Variants in STAC observed in about 807,000 individuals in gnomAD.
The protein encoded by STAC is SH3 and cysteine-rich domain-containing protein.
Under a neutral mutation model 48.8 loss-of-function variants are expected in STAC, and 43 were observed. That is an observed-to-expected ratio of 0.88 (90% confidence interval 0.69 to 1.14). STAC has a LOEUF of 1.14. STAC is among the 50% of genes most tolerant of loss of function. STAC has a pLI of 0.00. For synonymous variants in STAC, 193 were observed against 179.5 expected (o/e 1.07, Z -0.60); for missense variants, 497 against 504.0 (o/e 0.99, Z 0.13).
At chr3:36,402,011 G>C (rs1700007487) in intron 1 of STAC, among the ~76,000 whole-genome samples, 1 of 152,146 alleles carries the variant, frequency 6.6e-6, no homozygotes, top group South Asian at 2.1e-4. Context: ...GCTGAGAAAA[G>C]TAAAGCCGCT....
intron 1 of STAC, among the ~76,000 whole-genome samples, chr3:36,432,239 C>G (rs866133812): frequency 6.6e-6 from 1 of 152,148 alleles, no homozygotes; most frequent in South Asian, 2.1e-4. Context: ...ATTTTATGGA[C>G]GGGGAATTTG....
At chr3:36,537,162 A>G (rs1247626558) in intron 10 of STAC, among the ~76,000 whole-genome samples, 2 of 152,212 alleles carry the variant, frequency 1.3e-5, no homozygotes, top group Non-Finnish European at 2.9e-5. Context: ...AGAACCAGAA[A>G]TACCCTTTGA....
At chr3:36,482,595 T>C (rs1409879339) in intron 2 of STAC, among the ~76,000 whole-genome samples, 1 of 152,212 alleles carries the variant, frequency 6.6e-6, no homozygotes, top group East Asian at 1.9e-4. Flanking sequence ...ATCCAACGGC[T>C]CAGTTCCTGT....
intron 2 of STAC, among the ~76,000 whole-genome samples, chr3:36,452,959 A>G (rs1457063434): frequency 6.6e-6 from 1 of 152,216 alleles, no homozygotes; most frequent in African/African-American, 2.4e-5. Context: ...TTCCAAGGCC[A>G]TCCCACCCAG....
intron 1 of STAC, among the ~76,000 whole-genome samples, chr3:36,418,252 C>A (rs534088276): frequency 2.6e-5 from 4 of 152,062 alleles, no homozygotes; most frequent in Admixed American, 6.5e-5. Context: ...ACAATGAACT[C>A]TTTAATGGCT....
intron 8 of STAC, among the ~76,000 whole-genome samples, chr3:36,526,460 G>C (rs1559525778): frequency 6.6e-6 from 1 of 152,148 alleles, no homozygotes; most frequent in Non-Finnish European, 1.5e-5. Context: ...CACTGCTCCT[G>C]AACTTTGATC....
intron 2 of STAC, among the ~76,000 whole-genome samples, chr3:36,458,467 G>T (rs6550424): frequency 0.91 from 138,028 of 152,090 alleles, 62,876 homozygotes; most frequent in African/African-American, 0.98. Flanking sequence ...GAGAAAGAGG[G>T]CATTTGTAAG....
chr3:36,424,693 G>T (rs548281730), intron 1 of STAC, among the ~76,000 whole-genome samples: 3 of 152,186 alleles, frequency 2.0e-5, no homozygotes, highest in Admixed American at 6.6e-5. Context: ...TAAAAAGTAG[G>T]GAAGTGTTCA....
intron 2 of STAC, among the ~76,000 whole-genome samples, chr3:36,473,603 A>G (rs1431958910): frequency 6.6e-6 from 1 of 152,132 alleles, no homozygotes; most frequent in Non-Finnish European, 1.5e-5. Context: ...GCTGAATACT[A>G]TTACCTAAGT....
At position 36,497,176 on chromosome 3, in the gene STAC, A is replaced by G. The variant is rs149508840; in HGVS notation, c.766+3947A>G. Among the ~76,000 whole-genome samples the G allele has an allele frequency of 2.2e-4, 34 of 152,280 alleles. No individual in the cohort carries two copies. The East Asian group carries it at 4.0e-3, about 18-fold the overall frequency. On this transcript the variant is annotated intron_variant, in intron 6 of 10. Coordinates refer to ENST00000273183, the MANE Select transcript of STAC (RefSeq NM_003149.3). ...CCTGGTTTTGGTACCACTCCAGTGG[A>G]TATTTCTACATTACAGATGCAAATA...
chr3:36,529,785 C>T (rs954032347), intron 10 of STAC, among the ~76,000 whole-genome samples: 6 of 152,112 alleles, frequency 3.9e-5, no homozygotes, highest in African/African-American at 1.4e-4. Context: ...TGCAGCTCCC[C>T]TCAGGTCATG....
chr3:36,521,972 C>T (rs1329791681), intron 8 of STAC, among the ~76,000 whole-genome samples: 1 of 151,814 alleles, frequency 6.6e-6, no homozygotes, highest in Non-Finnish European at 1.5e-5. Flanking sequence ...ACCTGTAGTC[C>T]CAGATACTTG....
intron 2 of STAC, among the ~76,000 whole-genome samples, chr3:36,472,182 C>T (rs1056489285): frequency 7.9e-5 from 12 of 152,376 alleles, no homozygotes; most frequent in Middle Eastern, 3.4e-3. Flanking sequence ...CGGCTTGGGG[C>T]TTCCACCCTC....
chr3:36,493,885 T>A (rs1338135662), intron 6 of STAC, among the ~76,000 whole-genome samples: 1 of 151,804 alleles, frequency 6.6e-6, no homozygotes, highest in African/African-American at 2.4e-5. Context: ...GCGCGGTGGC[T>A]CACGCTTGTA....
intron 1 of STAC, among the ~76,000 whole-genome samples, chr3:36,437,952 AT>A (rs1314550970): frequency 6.7e-6 from 1 of 148,390 alleles, no homozygotes; most frequent in Non-Finnish European, 1.5e-5. Flanking sequence ...TATTATTATT[AT>A]TATTATTATT....
rs199864026 is a variant in STAC at position 36,423,517 on chromosome 3, CAT to C, written c.112-19846_112-19845del. On this transcript the variant is annotated intron_variant, in intron 1 of 10. Transcript: ENST00000273183. ...TAAAATCATGATACAGAAAAATATA[CAT>C]TGTATATTAGATGCGTGTTTTTTAA... 1.1e-3 allele frequency among the ~76,000 whole-genome samples: 166 copies of C among 151,308 alleles called. 2 individuals carry two copies. The East Asian group carries it at 0.025, about 23-fold the overall frequency.
intron 2 of STAC, among the ~76,000 whole-genome samples, chr3:36,475,016 C>T (rs754855817): frequency 1.2e-4 from 19 of 152,086 alleles, no homozygotes; most frequent in East Asian, 3.9e-4. Flanking sequence ...TGTGTGCGCG[C>T]GCGCACGCAT....
At chr3:36,524,770 T>C (rs920422197) in intron 8 of STAC, among the ~76,000 whole-genome samples, 3 of 151,438 alleles carry the variant, frequency 2.0e-5, no homozygotes, top group African/African-American at 7.3e-5. Flanking sequence ...GGGTGATGCC[T>C]GGAAGGATAT....
chr3:36,414,798 T>G (rs1700280976), intron 1 of STAC, among the ~76,000 whole-genome samples: 2 of 152,146 alleles, frequency 1.3e-5, no homozygotes, highest in African/African-American at 4.8e-5. Context: ...ATCTTTGTGG[T>G]TTTATCTACC....
Sources: allele counts gnomAD v4.1 joint callset (sites outside exome capture counted in the v4.1 genomes callset), GRCh38; gene constraint gnomAD v4.1.1; transcripts MANE v1.5; gene names NCBI Gene and HGNC (gene_info 2026-07-23, HGNC 2026-07-21).